Variants in MAST4 observed in about 807,000 individuals in gnomAD.
The protein encoded by MAST4 is microtubule-associated serine/threonine-protein kinase 4.
MAST4 carries 89 observed loss-of-function variants against 162.7 expected under a neutral mutation model. The observed-to-expected ratio is 0.55, with a 90% CI of 0.46 to 0.65. The LOEUF is 0.65. Among genes scored for constraint, MAST4 ranks in the 30% least tolerant of loss-of-function variants. The pLI, the probability that MAST4 is intolerant of heterozygous loss-of-function variation, is 0.00. For synonymous variants in MAST4, 1,479 were observed against 1,361.1 expected (o/e 1.09, Z -1.91); for missense variants, 3,153 against 3,374.0 (o/e 0.93, Z 1.62).
In MAST4 at chr5:66,884,748, C is replaced by G. The variant is rs181037792; in HGVS notation, c.643-15203C>G. On this transcript the variant is annotated intron_variant, in intron 3 of 28. Transcript: ENST00000403625. The stretch of plus-strand genomic sequence containing the variant: ...TATCCCCTCAAATGAAAAAAGACGG[C>G]TAGCCGCCTAGACTGCAATTGCAAG... Among the ~76,000 whole-genome samples the G allele has an allele frequency of 1.2e-3, 188 of 152,334 alleles. 1 individual carries two copies. The highest frequency in any genetic ancestry group is 4.5e-3 in the African/African-American group (186 of 41,586).
intron 1 of MAST4, among the ~76,000 whole-genome samples, chr5:66,655,246 TAAAA>T (rs960633297): frequency 1.1e-4 from 17 of 151,894 alleles, no homozygotes; most frequent in Non-Finnish European, 4.4e-5. Flanking sequence ...CACATTAAAA[TAAAA>T]AAAATTGGGG....
At chr5:66,880,711 A>G (rs1374392427) in intron 3 of MAST4, among the ~76,000 whole-genome samples, 1 of 152,258 alleles carries the variant, frequency 6.6e-6, no homozygotes, top group Non-Finnish European at 1.5e-5. Context: ...TCAGACCCAT[A>G]CAAGTAATTC....
At chr5:66,952,615 A>G (rs574626133) in intron 4 of MAST4, among the ~76,000 whole-genome samples, 21 of 152,244 alleles carry the variant, frequency 1.4e-4, no homozygotes, top group African/African-American at 4.8e-4. Flanking sequence ...TCATCTTTGC[A>G]TCCCTGATAA....
At chr5:67,061,421 A>T (rs1211395300) in intron 5 of MAST4, among the ~76,000 whole-genome samples, 2 of 151,062 alleles carry the variant, frequency 1.3e-5, no homozygotes, top group Non-Finnish European at 2.9e-5. Context: ...TTTTTATTTT[A>T]TTGGCTTATA....
At chr5:66,735,993 T>C (rs535574544) in intron 1 of MAST4, among the ~76,000 whole-genome samples, 1 of 152,256 alleles carries the variant, frequency 6.6e-6, no homozygotes, top group African/African-American at 2.4e-5. Flanking sequence ...ATGGAACATT[T>C]AATCTTAGAG....
intron 3 of MAST4, among the ~76,000 whole-genome samples, chr5:66,859,305 T>C (rs139796705): frequency 7.5e-4 from 115 of 152,356 alleles, no homozygotes; most frequent in African/African-American, 2.6e-3. Flanking sequence ...CTGTCCTCTC[T>C]GTTGGTAATT....
At chr5:66,997,044 A>T (rs541630301) in intron 4 of MAST4, among the ~76,000 whole-genome samples, 6 of 152,168 alleles carry the variant, frequency 3.9e-5, no homozygotes, top group African/African-American at 1.4e-4. Flanking sequence ...TCCCAACATT[A>T]TGCTATTATA....
chr5:66,850,583 A>G (rs1759232819), intron 3 of MAST4, among the ~76,000 whole-genome samples: 1 of 152,186 alleles, frequency 6.6e-6, no homozygotes, highest in Non-Finnish European at 1.5e-5. Flanking sequence ...CAGTCAAACC[A>G]CAGTCAGCCT....
At chr5:66,621,402 T>G (rs1257220576) in intron 1 of MAST4, among the ~76,000 whole-genome samples, 1 of 152,212 alleles carries the variant, frequency 6.6e-6, no homozygotes, top group Non-Finnish European at 1.5e-5. Flanking sequence ...ATAGCATGTC[T>G]AAGAACCAGA....
At chr5:66,731,631 C>T (rs183930509) in intron 1 of MAST4, among the ~76,000 whole-genome samples, 3 of 152,058 alleles carry the variant, frequency 2.0e-5, no homozygotes, top group East Asian at 1.9e-4. Context: ...CAGTCTTTTC[C>T]TCTGGCTTAT....
intron 4 of MAST4, among the ~76,000 whole-genome samples, chr5:66,934,694 T>A (rs1742536315): frequency 6.6e-6 from 1 of 152,138 alleles, no homozygotes; most frequent in Non-Finnish European, 1.5e-5. Flanking sequence ...TTGCATTTTT[T>A]GGTATTTGGC....
At chr5:66,736,459 G>T (rs913261741) in intron 1 of MAST4, among the ~76,000 whole-genome samples, 2 of 151,808 alleles carry the variant, frequency 1.3e-5, no homozygotes, top group South Asian at 2.1e-4. Context: ...TAAAAAAATA[G>T]CAAATTACCC....
chr5:66,994,069 C>A (rs750771563), intron 4 of MAST4, among the ~76,000 whole-genome samples: 2 of 151,934 alleles, frequency 1.3e-5, no homozygotes, highest in Non-Finnish European at 2.9e-5. Flanking sequence ...GATATGACTG[C>A]GTGCACCTGT....
At position 67,163,778 on chromosome 5, in the gene MAST4, G is replaced by A. The variant is rs768161289; in HGVS notation, c.4599G>A (p.Lys1533=). ...SVDDLDRDKL[K]AKVVVKKADG... ...ACGACCTGGACCGCGACAAGCTGAA[G>A]GCCAAGGTGGTGGTGAAGAAAGCAG... Residue 1533 remains lysine, a synonymous_variant, in exon 29 of 29, where the codon AAG becomes AAA. Coordinates refer to ENST00000403625, the MANE Select transcript of MAST4 (RefSeq NM_001164664.2). This position sits in a 1 kb window ranked among gnomAD's most constrained non-coding sequence, Gnocchi z 7.0. The A allele has an allele frequency of 3.7e-6, 6 of 1,611,452 alleles. No homozygotes were observed. Among genetic ancestry groups the A allele is most frequent in the Non-Finnish European group, 5.1e-6 (6 of 1,178,808 alleles).
chr5:66,597,338 G>A (rs1241235556), intron 1 of MAST4, among the ~76,000 whole-genome samples: 1 of 152,232 alleles, frequency 6.6e-6, no homozygotes, highest in Non-Finnish European at 1.5e-5. Flanking sequence ...GACATCTGGC[G>A]TGTCCCCACA....
At chr5:66,729,756 G>T (rs1256321275) in intron 1 of MAST4, among the ~76,000 whole-genome samples, 1 of 152,198 alleles carries the variant, frequency 6.6e-6, no homozygotes, top group Non-Finnish European at 1.5e-5. Context: ...TTTCTGAGGT[G>T]CATAGGAGAA....
At position 67,153,453 on chromosome 5, in the gene MAST4, T is replaced by A. The variant is rs1296430430; in HGVS notation, c.3526-5T>A. Reference sequence around the variant, plus strand: ...CTACAAATATCCTCTCCTCTTGGACTTTAGAATGTAGAAGAAGGAAGTCCG... The same window carrying A: ...CTACAAATATCCTCTCCTCTTGGACATTAGAATGTAGAAGAAGGAAGTCCG... On this transcript the variant is annotated splice_polypyrimidine_tract_variant and splice_region_variant and intron_variant, in intron 25 of 28. Coordinates refer to ENST00000403625, the MANE Select transcript of MAST4 (RefSeq NM_001164664.2). 1.9e-6 allele frequency: 3 copies of A among 1,602,534 alleles called. No individual in the cohort carries two copies. Among genetic ancestry groups the A allele is most frequent in the Non-Finnish European group, 2.6e-6 (3 of 1,174,356 alleles).
chr5:66,748,983 G>A (rs956690946), intron 1 of MAST4, among the ~76,000 whole-genome samples: 2 of 151,986 alleles, frequency 1.3e-5, no homozygotes, highest in African/African-American at 4.8e-5. Context: ...TTCAGGCACT[G>A]CAGAGAATAA....
intron 3 of MAST4, among the ~76,000 whole-genome samples, chr5:66,791,151 G>C (rs1335350995): frequency 6.6e-6 from 1 of 152,168 alleles, no homozygotes; most frequent in African/African-American, 2.4e-5. Context: ...AGCCTCCCGA[G>C]TAGCTGGGAT....
Sources: gnomAD v4.1 joint callset for allele counts (sites outside exome capture counted in the v4.1 genomes callset) on GRCh38, gnomAD v4.1.1 for gene constraint, Gnocchi (gnomAD v3.1) non-coding constraint, MANE v1.5 for transcripts, NCBI Gene and HGNC (gene_info 2026-07-23, HGNC 2026-07-21) for gene names.